The following GGPS1 variants were observed in gnomAD, a reference collection of about 807,000 sequenced individuals.
GGPS1 encodes the protein geranylgeranyl diphosphate synthase 1.
A neutral mutation model predicts 28.1 loss-of-function variants in GGPS1; 15 were observed. The ratio of observed to expected loss-of-function variants is 0.53; its 90% CI spans 0.36 to 0.82. GGPS1 has a LOEUF of 0.82. Among genes scored for constraint, GGPS1 ranks in the 40% least tolerant of loss-of-function variants. The pLI, the probability that GGPS1 is intolerant of heterozygous loss-of-function variation, is 0.01. For missense variants in GGPS1, 284 were observed against 348.3 expected, an observed-to-expected ratio of 0.82 and a Z score of 1.47; for synonymous variants, 138 against 122.4, an observed-to-expected ratio of 1.13 and a Z score of -0.84.
chr1:235,341,318 C>A (rs934328437), intron 2 of GGPS1, among the ~76,000 whole-genome samples: 10 of 152,180 alleles, frequency 6.6e-5, no homozygotes, highest in African/African-American at 2.2e-4. Context: ...CAGAGCAAAA[C>A]TCTGTCTCAA....
At chr1:235,336,059 C>T (rs12096792) in intron 2 of GGPS1, among the ~76,000 whole-genome samples, 203 of 152,324 alleles carry the variant, frequency 1.3e-3, no homozygotes, top group African/African-American at 4.7e-3. Context: ...TCCTACCTCA[C>T]GTGTACGTGT....
intron 1 of GGPS1, chr1:235,329,535 C>T (rs1675619273): frequency 6.6e-6 from 1 of 152,240 alleles, no homozygotes; most frequent in South Asian, 2.1e-4. Flanking sequence ...AGCTGAAGGG[C>T]TAGCAGGAGT....
intron 2 of GGPS1, among the ~76,000 whole-genome samples, chr1:235,339,544 G>A (rs1001924226): frequency 1.3e-5 from 2 of 152,022 alleles, no homozygotes; most frequent in Non-Finnish European, 2.9e-5. Context: ...TGAATTACCT[G>A]AGGTCAGGAG....
intron 1 of GGPS1, 32 bp downstream of exon 1, chr1:235,328,810 C>T (rs905697848): frequency 1.3e-5 from 2 of 151,298 alleles, no homozygotes; most frequent in Non-Finnish European, 2.9e-5. Flanking sequence ...TGGGGGGAAC[C>T]CGGATGGGAA....
intron 1 of GGPS1, among the ~76,000 whole-genome samples, chr1:235,332,641 AT>A (rs1391126062): frequency 6.6e-6 from 1 of 152,190 alleles, no homozygotes; most frequent in African/African-American, 2.4e-5. Flanking sequence ...TTACTGAAAT[AT>A]GTGCAAAAGT....
At chr1:235,340,735 CAAAAAAAAA>C (rs1165162184) in intron 2 of GGPS1, among the ~76,000 whole-genome samples, 5 of 50,994 alleles carry the variant, frequency 9.8e-5, no homozygotes, top group Admixed American at 5.7e-4. Flanking sequence ...GACTCCGTCT[CAAAAAAAAA>C]AAAAAAAAAA....
At chr1:235,337,014 T>G (rs1214874263) in intron 2 of GGPS1, 1 of 187,052 alleles carries the variant, frequency 5.3e-6, no homozygotes, top group East Asian at 1.4e-4. Flanking sequence ...GCCCACTGTT[T>G]AAGAAAAAGC....
chr1:235,336,597 C>T (rs113636540), intron 2 of GGPS1, among the ~76,000 whole-genome samples: 193 of 152,226 alleles, frequency 1.3e-3, no homozygotes, highest in African/African-American at 4.4e-3. Context: ...TTGAGACCAC[C>T]TTGGGCAACA....
intron 2 of GGPS1, among the ~76,000 whole-genome samples, chr1:235,340,703 T>A (rs1340121090): frequency 8.8e-6 from 1 of 113,288 alleles, no homozygotes; most frequent in Non-Finnish European, 1.6e-5. Flanking sequence ...GCCACTGCAC[T>A]CCAGCCTGGG....
At chr1:235,331,135 T>C (rs1675702287) in intron 1 of GGPS1, among the ~76,000 whole-genome samples, 1 of 152,246 alleles carries the variant, frequency 6.6e-6, no homozygotes, top group Admixed American at 6.5e-5. Flanking sequence ...GTTGATTATT[T>C]CGCTTACTTG....
At chr1:235,327,390 G>A (rs942716643), upstream of GGPS1, 1 of 152,330 alleles carries the variant, frequency 6.6e-6, no homozygotes, top group Non-Finnish European at 1.5e-5. Context: ...AGGGCCTGTG[G>A]GCCGCGGGCA....
rs779849943 is a variant in GGPS1, at chr1:235,342,240, A to G, written c.371A>G (p.Gln124Arg). The G allele has an allele frequency of 6.2e-7, 1 of 1,614,076 alleles. No individual in the cohort carries two copies. The highest frequency in any genetic ancestry group is 1.7e-5 in the Admixed American group (1 of 60,006). ...ACCCGCCAGCTTTTGGAACTCCATCAGGGACAAGGCCTAGATATTTACTGG... is the reference window on the plus strand; with the variant it reads ...ACCCGCCAGCTTTTGGAACTCCATCGGGGACAAGGCCTAGATATTTACTGG... ...LFTRQLLELH[Q>R]GQGLDIYWRD... The change falls in exon 4 of 4, where the codon CAG becomes CGG. Residue 124 changes from glutamine (Q) to arginine (R), a missense_variant. Transcript: ENST00000282841.
Position 235,342,900 on chromosome 1 carries a change from C to A in GGPS1, c.*128C>A. ...AGTAAATAGGTGAGTAGGGGTGGTG[C>A]AAGTGAATTCGTTTTCATTTAGAAG... On this transcript the variant is annotated 3_prime_UTR_variant, in exon 4 of 4. Transcript: ENST00000282841. 1 of 614,240 alleles carries A rather than the reference C, an allele frequency of 1.6e-6. No homozygotes were observed. Among genetic ancestry groups the A allele is most frequent in the South Asian group, 2.3e-5 (1 of 43,350 alleles). 38.0% of individuals were successfully genotyped at this position (614,240 alleles called of 1,614,324 possible).
chr1:235,328,450 C>A (rs1014469146), upstream of GGPS1: 1 of 151,792 alleles, frequency 6.6e-6, no homozygotes, highest in African/African-American at 2.4e-5. Flanking sequence ...CGCAAATCCT[C>A]GTCCGCGAGA....
At chr1:235,336,844 A>G (rs1675884817) in intron 2 of GGPS1, 1 of 152,966 alleles carries the variant, frequency 6.5e-6, no homozygotes, top group Non-Finnish European at 1.5e-5. Context: ...GAGCCTGGGA[A>G]GGATAAAAGC....
At chr1:235,333,646 A>G (rs1675784118) in intron 1 of GGPS1, among the ~76,000 whole-genome samples, 1 of 152,162 alleles carries the variant, frequency 6.6e-6, no homozygotes, top group Non-Finnish European at 1.5e-5. Context: ...TCTTCATTCA[A>G]AAGAAAGTGG....
chr1:235,331,183 G>A (rs957810229), intron 1 of GGPS1, among the ~76,000 whole-genome samples: 14 of 152,068 alleles, frequency 9.2e-5, no homozygotes, highest in Non-Finnish European at 2.1e-4. Flanking sequence ...GACGTCTTTG[G>A]TATTAATTGT....
chr1:235,327,691 T>C (rs949551662), upstream of GGPS1: 3 of 152,392 alleles, frequency 2.0e-5, no homozygotes, highest in Non-Finnish European at 4.4e-5. Context: ...GCGATCTTCC[T>C]CTGCTCCTTG....
In GGPS1 at chr1:235,342,011, A is replaced by G. The variant is rs1268095501; in HGVS notation, c.142A>G (p.Ile48Val). Residue 48 changes from isoleucine to valine, a missense_variant and splice_region_variant, in exon 4 of 4, where the codon ATT becomes GTT. By Grantham distance (29) the Ile-to-Val change is conservative (BLOSUM62 3). Coordinates refer to ENST00000282841, the MANE Select transcript of GGPS1 (RefSeq NM_004837.4). ...GTGAAATTTTCAATTTTTTTATTAG[A>G]TTATTATTGAAGTGACAGAAATGTT... Reference protein sequence around the residue: ...WLKVPEDKLQIIIEVTEMLHN... With the variant: ...WLKVPEDKLQVIIEVTEMLHN... 2.0e-6 allele frequency: 3 copies of G among 1,533,732 alleles called. No individual in the cohort carries two copies. The highest frequency in any genetic ancestry group is 2.7e-6 in the Non-Finnish European group (3 of 1,129,584).
Sources: gnomAD v4.1 joint callset for allele counts (sites outside exome capture counted in the v4.1 genomes callset) on GRCh38, gnomAD v4.1.1 for gene constraint, MANE v1.5 for transcripts, NCBI Gene and HGNC (gene_info 2026-07-23, HGNC 2026-07-21) for gene names.